The following RALGAPA1 variants were observed in gnomAD, a reference collection of about 807,000 sequenced individuals.
RALGAPA1 encodes Ral GTPase activating protein catalytic subunit alpha 1.
RALGAPA1 carries 52 observed loss-of-function variants against 269.6 expected under a neutral mutation model. The observed-to-expected ratio is 0.19, with a 90% CI of 0.15 to 0.24. The LOEUF (loss-of-function observed/expected upper bound fraction) is 0.24, where lower values mean the gene tolerates loss of function less well. Ranked by LOEUF, RALGAPA1 falls within the 10% of genes least tolerant of loss-of-function variation. RALGAPA1 has a pLI of 1.00. For missense variants in RALGAPA1, 1,917 were observed against 3,013.9 expected, an observed-to-expected ratio of 0.64 and a Z score of 8.52; for synonymous variants, 817 against 1,008.3, an observed-to-expected ratio of 0.81 and a Z score of 3.60.
At chr14:35,712,584 C>CTG (rs1334410563) in intron 16 of RALGAPA1, among the ~76,000 whole-genome samples, 3 of 152,276 alleles carry the variant, frequency 2.0e-5, no homozygotes, top group South Asian at 4.1e-4. Flanking sequence ...TCATAGCTCA[C>CTG]TGTGGCTTCA....
intron 39 of RALGAPA1, among the ~76,000 whole-genome samples, chr14:35,552,895 C>T (rs752053674): frequency 2.0e-5 from 3 of 152,042 alleles, no homozygotes; most frequent in Admixed American, 6.6e-5. Context: ...ATCTGTAATT[C>T]ATTAATATTA....
At chr14:35,567,013 C>G (rs989330532) in intron 39 of RALGAPA1, among the ~76,000 whole-genome samples, 3 of 151,618 alleles carry the variant, frequency 2.0e-5, no homozygotes, top group Non-Finnish European at 4.4e-5. Flanking sequence ...ATACTACACT[C>G]AGGTAGCATA....
At chr14:35,604,335 T>G (rs1450157628) in intron 36 of RALGAPA1, among the ~76,000 whole-genome samples, 2 of 152,038 alleles carry the variant, frequency 1.3e-5, no homozygotes, top group Admixed American at 1.3e-4. Context: ...GTATATTCTG[T>G]GATCACAATG....
chr14:35,728,285 A>G (rs112183093), intron 13 of RALGAPA1, 77 bp downstream of exon 13: 6 of 1,281,880 alleles, frequency 4.7e-6, no homozygotes, highest in Non-Finnish European at 6.1e-6. Flanking sequence ...CTCTTCACAG[A>G]CACTATTTCT....
intron 4 of RALGAPA1, among the ~76,000 whole-genome samples, chr14:35,768,518 C>T (rs970261531): frequency 2.0e-5 from 3 of 151,842 alleles, no homozygotes; most frequent in East Asian, 1.9e-4. Context: ...AGCAAGACCC[C>T]GTCTCTACAA....
At chr14:35,559,830 A>G (rs1566679173) in intron 39 of RALGAPA1, among the ~76,000 whole-genome samples, 1 of 152,248 alleles carries the variant, frequency 6.6e-6, no homozygotes, top group African/African-American at 2.4e-5. Context: ...TAAAAACTCA[A>G]TAATTGTATA....
At chr14:35,710,778 A>G (rs1348245291) in intron 16 of RALGAPA1, among the ~76,000 whole-genome samples, 2 of 152,194 alleles carry the variant, frequency 1.3e-5, no homozygotes, top group African/African-American at 4.8e-5. Flanking sequence ...TTTTTACTGT[A>G]CCATTTCTAT....
chr14:35,549,253 G>A lies in RALGAPA1; in HGVS notation c.7497-19C>T, dbSNP rs1377511395. On this transcript the variant is annotated intron_variant, in intron 39 of 41. Transcript: ENST00000680220. ...CTCATAGCTGATTTCCTTTGGTTAA[G>A]GATAAACTTAAGTGCAGCTTATACT... The A allele has an allele frequency of 1.2e-6, 2 of 1,604,710 alleles. No homozygotes were observed.
chr14:35,737,961 G>A (rs901031068), intron 12 of RALGAPA1, among the ~76,000 whole-genome samples: 3 of 143,016 alleles, frequency 2.1e-5, no homozygotes, highest in Non-Finnish European at 4.6e-5. Context: ...AGTGGCACGC[G>A]CCTGTAATCC....
At chr14:35,734,783 A>G (rs2070822394) in intron 12 of RALGAPA1, among the ~76,000 whole-genome samples, 1 of 152,182 alleles carries the variant, frequency 6.6e-6, no homozygotes, top group African/African-American at 2.4e-5. Context: ...GTAGGGGAAA[A>G]TCTTCACAAT....
At chr14:35,669,908 C>G (rs1489292626) in intron 26 of RALGAPA1, among the ~76,000 whole-genome samples, 1 of 152,130 alleles carries the variant, frequency 6.6e-6, no homozygotes, top group African/African-American at 2.4e-5. Flanking sequence ...TTGAGTAGTA[C>G]TAGGTGCTAA....
rs746296161 is a variant in RALGAPA1 at position 35,721,778 on chromosome 14, C to T, written c.2176G>A (p.Gly726Ser). ...FSRGWSRDQP[G>S]QAPMRQRSAT... ...CTCCTCTGTCTCATTGGGGCTTGGC[C>T]AGGCTGATCACGACTCCATCCTCTA... The change falls in exon 16 of 42, where the codon GGC (glycine) becomes AGC (serine). Residue 726 changes from glycine (G) to serine (S), a missense_variant. This residue lies in a region of RALGAPA1 where 125 missense variants were observed against 155.7 expected (regional missense o/e 0.80). Coordinates refer to ENST00000680220, the MANE Select transcript of RALGAPA1 (RefSeq NM_001346249.2). The T allele has an allele frequency of 1.2e-6, 2 of 1,612,608 alleles. No homozygotes were observed. The highest frequency in any genetic ancestry group is 1.3e-5 in the African/African-American group (1 of 74,980).
At chr14:35,612,370 C>CA (rs1010725263) in intron 35 of RALGAPA1, among the ~76,000 whole-genome samples, 3,406 of 62,474 alleles carry the variant, frequency 0.055, 131 homozygotes, top group African/African-American at 0.12. Flanking sequence ...AACTCTGTTT[C>CA]AAAAAAAAAA....
intron 4 of RALGAPA1, chr14:35,766,371 G>C: frequency 7.0e-7 from 1 of 1,419,174 alleles, no homozygotes; most frequent in South Asian, 1.2e-5. Flanking sequence ...ACTATGTATA[G>C]GTATTCCAGA....
At chr14:35,626,880 G>C (rs956818825) in intron 34 of RALGAPA1, among the ~76,000 whole-genome samples, 10 of 151,634 alleles carry the variant, frequency 6.6e-5, no homozygotes, top group African/African-American at 2.4e-4. Flanking sequence ...TAGTTATTTT[G>C]AAAATATTGA....
chr14:35,679,091 A>G (rs1171536912), intron 21 of RALGAPA1, among the ~76,000 whole-genome samples: 1 of 152,228 alleles, frequency 6.6e-6, no homozygotes, highest in Non-Finnish European at 1.5e-5. Context: ...CCTGGTGCAT[A>G]GCAGGTACTT....
chr14:35,653,433 C>T (rs1298472583), intron 30 of RALGAPA1, among the ~76,000 whole-genome samples: 2 of 152,046 alleles, frequency 1.3e-5, no homozygotes, highest in Non-Finnish European at 2.9e-5. Context: ...AAGATGAGGG[C>T]ACTAGAGAAG....
chr14:35,628,172 A>AATTTAAACCAAGGCCTTTAT (rs2061107837), intron 33 of RALGAPA1, among the ~76,000 whole-genome samples: 2 of 152,338 alleles, frequency 1.3e-5, no homozygotes, highest in South Asian at 4.1e-4. Context: ...ATGGGTCCAT[A>AATTTAAACCAAGGCCTTTAT]ATTTAAACCA....
intron 25 of RALGAPA1, among the ~76,000 whole-genome samples, chr14:35,672,031 T>C (rs747931080): frequency 7.2e-5 from 11 of 152,216 alleles, no homozygotes; most frequent in Non-Finnish European, 1.6e-4. Flanking sequence ...ATTCATTTAC[T>C]TTGCCTTTGG....
Sources: gnomAD v4.1 joint callset for allele counts (sites outside exome capture counted in the v4.1 genomes callset) on GRCh38, gnomAD v4.1.1 for gene constraint, gnomAD v4.1.1 regional missense constraint, MANE v1.5 for transcripts, NCBI Gene and HGNC (gene_info 2026-07-23, HGNC 2026-07-21) for gene names.